The following LUZP2 variants were observed in gnomAD, a reference collection of about 807,000 sequenced individuals.
LUZP2 encodes the protein leucine zipper protein 2.
LUZP2 carries 52 observed loss-of-function variants against 51.6 expected under a neutral mutation model. The ratio of observed to expected loss-of-function variants is 1.01; its 90% CI spans 0.81 to 1.27. LUZP2 has a LOEUF of 1.27. LUZP2 is among the 50% of genes most tolerant of loss of function. The pLI, the probability that LUZP2 is intolerant of heterozygous loss-of-function variation, is 0.00. For missense variants in LUZP2, 436 were observed against 395.4 expected, an observed-to-expected ratio of 1.10 and a Z score of -0.87; for synonymous variants, 154 against 137.3, an observed-to-expected ratio of 1.12 and a Z score of -0.85.
At chr11:24,757,211 C>A (rs533441212) in intron 4 of LUZP2, among the ~76,000 whole-genome samples, 12 of 152,190 alleles carry the variant, frequency 7.9e-5, no homozygotes, top group Admixed American at 7.2e-4. Context: ...GCCTATATTT[C>A]TTTACCACAC....
intron 1 of LUZP2, among the ~76,000 whole-genome samples, chr11:24,586,398 TCTA>T (rs149705500): frequency 0.011 from 1,662 of 152,176 alleles, 26 homozygotes; most frequent in African/African-American, 0.038. Flanking sequence ...ATATTTTCTT[TCTA>T]CTAAGACACC....
chr11:25,003,770 T>C (rs778503144), intron 9 of LUZP2, among the ~76,000 whole-genome samples: 11 of 152,172 alleles, frequency 7.2e-5, no homozygotes, highest in Admixed American at 5.9e-4. Flanking sequence ...GGTTGACTCC[T>C]TCCTCAAGTA....
chr11:24,916,401 TG>T (rs1853790847), intron 7 of LUZP2, among the ~76,000 whole-genome samples: 1 of 152,128 alleles, frequency 6.6e-6, no homozygotes, highest in African/African-American at 2.4e-5. Context: ...TTTGTTACTA[TG>T]TATACATGTG....
At chr11:24,928,171 C>A (rs986983765) in intron 7 of LUZP2, among the ~76,000 whole-genome samples, 20 of 151,838 alleles carry the variant, frequency 1.3e-4, no homozygotes, top group African/African-American at 4.8e-4. Context: ...TAAAATCATA[C>A]CATCAGCAAA....
chr11:24,761,645 C>T (rs1859983658), intron 4 of LUZP2, among the ~76,000 whole-genome samples: 3 of 152,100 alleles, frequency 2.0e-5, no homozygotes, highest in African/African-American at 4.8e-5. Flanking sequence ...TCATTTAAAC[C>T]ACTGTATTTA....
At chr11:24,856,300 A>G (rs1051229668) in intron 5 of LUZP2, among the ~76,000 whole-genome samples, 9 of 152,168 alleles carry the variant, frequency 5.9e-5, no homozygotes, top group African/African-American at 2.2e-4. Flanking sequence ...TTTTCAAAGA[A>G]GACATACAAA....
In LUZP2 at chr11:24,602,040, CTGTATATATG is replaced by C. The variant is rs1218371038; in HGVS notation, c.62+104755_62+104764del. On this transcript the variant is annotated intron_variant, in intron 1 of 11. Coordinates refer to ENST00000336930, the MANE Select transcript of LUZP2 (RefSeq NM_001009909.4). Reference sequence around the variant, plus strand: ...TGTATATATGTGTATATATGTATATCTGTATATATGTGTATATATGTGTATATATATGCGT... The same window carrying C: ...TGTATATATGTGTATATATGTATATCTGTATATATGTGTATATATATGCGT... Among the ~76,000 whole-genome samples, 214 of 91,542 alleles carry C rather than the reference CTGTATATATG, an allele frequency of 2.3e-3. 1 individual carries two copies. Among genetic ancestry groups the C allele is most frequent in the African/African-American group, 7.7e-3 (196 of 25,514 alleles). The allele number at this position is 91,542 out of a possible 152,430, so 60.1% of individuals were successfully genotyped here. A position where few individuals can be genotyped will look rare whatever the true frequency, so the allele number is the denominator to read the frequency against.
At chr11:25,043,591 T>C (rs1467498635) in intron 9 of LUZP2, among the ~76,000 whole-genome samples, 2 of 151,836 alleles carry the variant, frequency 1.3e-5, no homozygotes, top group African/African-American at 4.8e-5. Flanking sequence ...ATGATATATA[T>C]ATATCCTTGA....
intron 1 of LUZP2, among the ~76,000 whole-genome samples, chr11:24,566,048 A>T (rs1852201501): frequency 6.6e-6 from 1 of 151,858 alleles, no homozygotes; most frequent in African/African-American, 2.4e-5. Context: ...TTTAGCAACA[A>T]TAATAAAAAA....
At chr11:24,599,090 A>C (rs1853539084) in intron 1 of LUZP2, among the ~76,000 whole-genome samples, 2 of 152,128 alleles carry the variant, frequency 1.3e-5, no homozygotes, top group Admixed American at 6.6e-5. Context: ...CTGTGTGCTT[A>C]ACTGTCAAAT....
intron 5 of LUZP2, among the ~76,000 whole-genome samples, chr11:24,781,688 A>G (rs1039924441): frequency 2.0e-5 from 3 of 152,088 alleles, no homozygotes; most frequent in Admixed American, 6.6e-5. Flanking sequence ...AGAAATTGCA[A>G]ACGAGCTGCT....
chr11:24,819,479 A>G (rs1309037400), intron 5 of LUZP2, among the ~76,000 whole-genome samples: 5 of 152,066 alleles, frequency 3.3e-5, no homozygotes, highest in Non-Finnish European at 7.4e-5. Flanking sequence ...AGTGATTTAG[A>G]CGTTTCTGTT....
At chr11:24,777,919 A>G (rs1012424004) in intron 5 of LUZP2, among the ~76,000 whole-genome samples, 20 of 96,426 alleles carry the variant, frequency 2.1e-4, no homozygotes, top group African/African-American at 6.4e-4. Context: ...TACAAGAAAA[A>G]AGTCTTTTTT....
intron 7 of LUZP2, among the ~76,000 whole-genome samples, chr11:24,949,288 TTATCTATCTATCTATCTATCTATC>T (rs201078923): frequency 7.1e-6 from 1 of 141,188 alleles, no homozygotes; most frequent in East Asian, 2.0e-4. Flanking sequence ...ATTATCTAGA[TTATCTATCTATCTATCTATCTATC>T]TATCTATCTA....
intron 1 of LUZP2, among the ~76,000 whole-genome samples, chr11:24,553,907 G>T (rs1336461828): frequency 6.6e-6 from 1 of 152,124 alleles, no homozygotes; most frequent in Non-Finnish European, 1.5e-5. Flanking sequence ...GTTTCCTTGA[G>T]CTCTCTTGGG....
chr11:24,753,055 A>T (rs1859650956), intron 4 of LUZP2, among the ~76,000 whole-genome samples: 1 of 152,136 alleles, frequency 6.6e-6, no homozygotes, highest in Non-Finnish European at 1.5e-5. Flanking sequence ...ATAAGGGAAG[A>T]CACTATATAC....
intron 4 of LUZP2, among the ~76,000 whole-genome samples, chr11:24,761,192 C>T (rs1859965639): frequency 6.6e-6 from 1 of 152,080 alleles, no homozygotes; most frequent in Non-Finnish European, 1.5e-5. Flanking sequence ...ATACAGGAAG[C>T]ATAGCTGGGG....
chr11:24,664,015 A>T (rs1856120091), intron 1 of LUZP2, among the ~76,000 whole-genome samples: 1 of 152,226 alleles, frequency 6.6e-6, no homozygotes, highest in African/African-American at 2.4e-5. Flanking sequence ...AAATGAAGTA[A>T]TACAGTAAAT....
At chr11:24,922,837 CTTTTTTTTTT>C (rs749672583) in intron 7 of LUZP2, among the ~76,000 whole-genome samples, 29 of 47,312 alleles carry the variant, frequency 6.1e-4, no homozygotes, top group Non-Finnish European at 8.6e-4. Context: ...TTTTTTTTTT[CTTTTTTTTTT>C]TTTTTTTTTT....
Sources: allele counts gnomAD v4.1 joint callset (sites outside exome capture counted in the v4.1 genomes callset), GRCh38; gene constraint gnomAD v4.1.1; transcripts MANE v1.5; gene names NCBI Gene and HGNC (gene_info 2026-07-23, HGNC 2026-07-21).